Variants in GPHN observed in about 807,000 individuals in gnomAD.
GPHN encodes gephyrin.
Under a neutral mutation model 95.5 loss-of-function variants are expected in GPHN, and 17 were observed. The ratio of observed to expected loss-of-function variants is 0.18; its 90% confidence interval spans 0.12 to 0.27. The LOEUF is 0.27. Among genes scored for constraint, GPHN ranks in the 10% least tolerant of loss-of-function variants. GPHN has a pLI of 1.00. For synonymous variants in GPHN, 320 were observed against 322.5 expected (o/e 0.99, Z 0.08); for missense variants, 660 against 978.1 (o/e 0.67, Z 4.34).
At chr14:67,308,514 G>C in the GPHN span, among the ~76,000 whole-genome samples, 1 of 150,060 alleles carries the variant, frequency 6.7e-6, no homozygotes, top group Non-Finnish European at 1.5e-5. Flanking sequence ...CTGAGTTTTA[G>C]ATCAGCACTC....
chr14:66,545,553 C>T lies in GPHN; in HGVS notation c.64+36962C>T, dbSNP rs1237814600. On this transcript the variant is annotated intron_variant, in intron 1 of 22. Transcript: ENST00000478722. ...CTCCCGGACGGGGCGGCTGGCCGGGCGGGGGGCTGACCCCCCCACCTCCCT... is the reference window on the plus strand; with the variant it reads ...CTCCCGGACGGGGCGGCTGGCCGGGTGGGGGGCTGACCCCCCCACCTCCCT... Among the ~76,000 whole-genome samples the T allele has an allele frequency of 3.9e-4, 41 of 105,430 alleles. 1 individual carries two copies. The East Asian group carries it at 0.015, about 38-fold the overall frequency. 69.2% of individuals were successfully genotyped at this position (105,430 alleles called of 152,430 possible). A position where few individuals can be genotyped will look rare whatever the true frequency, so the allele number is the denominator to read the frequency against.
chr14:67,570,083 G>A, the GPHN span: 1 of 1,076,958 alleles, frequency 9.3e-7, no homozygotes, highest in Non-Finnish European at 1.4e-6. Context: ...CCAATGACTG[G>A]GGCGGGGCTC....
the GPHN span, among the ~76,000 whole-genome samples, chr14:67,316,342 C>T: frequency 1.3e-5 from 2 of 152,020 alleles, no homozygotes; most frequent in Non-Finnish European, 2.9e-5. Flanking sequence ...CATATACATA[C>T]ACAAAAGAAG....
Position 66,827,750 on chromosome 14 carries a change from G to A in GPHN, c.294+3184G>A, listed in dbSNP as rs563571830. Among the ~76,000 whole-genome samples the A allele has an allele frequency of 2.0e-5, 3 of 151,974 alleles. No individual in the cohort carries two copies. The East Asian group carries it at 5.8e-4, about 29-fold the overall frequency. ...TCTTGTTAAATTATTTCTTAATTTT[G>A]GTAGGGTAAGCTTCATATTTGATCT... On this transcript the variant is annotated intron_variant, in intron 4 of 22. Coordinates refer to ENST00000478722, the MANE Select transcript of GPHN (RefSeq NM_020806.5).
At chr14:67,196,133 C>T in the GPHN span, among the ~76,000 whole-genome samples, 8 of 152,154 alleles carry the variant, frequency 5.3e-5, no homozygotes, top group Non-Finnish European at 1.2e-4. Flanking sequence ...TAAAGGGCTC[C>T]ACTCTAGTCT....
intron 4 of GPHN, among the ~76,000 whole-genome samples, chr14:66,830,974 T>C (rs2061558113): frequency 6.6e-6 from 1 of 152,112 alleles, no homozygotes; most frequent in Non-Finnish European, 1.5e-5. Context: ...TTATTTTATG[T>C]AGTCATTAGT....
At chr14:67,305,440 C>T in the GPHN span, among the ~76,000 whole-genome samples, 4 of 152,102 alleles carry the variant, frequency 2.6e-5, no homozygotes, top group Admixed American at 6.6e-5. Flanking sequence ...CTACCACATC[C>T]GGCTAATTTT....
the GPHN span, chr14:67,695,588 G>T: frequency 6.4e-7 from 1 of 1,569,306 alleles, no homozygotes; most frequent in Non-Finnish European, 8.7e-7. Context: ...CTCCCGCCCC[G>T]CAACAAGAAT....
At chr14:67,414,702 C>T in the GPHN span, among the ~76,000 whole-genome samples, 30 of 152,214 alleles carry the variant, frequency 2.0e-4, no homozygotes, top group African/African-American at 7.2e-4. Flanking sequence ...AGATTCATTC[C>T]TTTAGCTTCA....
At chr14:67,352,421 T>C in the GPHN span, among the ~76,000 whole-genome samples, 10 of 147,222 alleles carry the variant, frequency 6.8e-5, no homozygotes, top group South Asian at 6.5e-4. Flanking sequence ...AGTAAGACCT[T>C]GCCTCAAAAA....
At chr14:66,516,752 T>C (rs1455027816) in intron 1 of GPHN, among the ~76,000 whole-genome samples, 1 of 152,186 alleles carries the variant, frequency 6.6e-6, no homozygotes, top group Non-Finnish European at 1.5e-5. Context: ...TTATTTCTTG[T>C]TCTTTTAAAA....
At chr14:66,853,335 A>T (rs1399760042) in intron 4 of GPHN, among the ~76,000 whole-genome samples, 3 of 152,032 alleles carry the variant, frequency 2.0e-5, no homozygotes, top group Admixed American at 6.6e-5. Flanking sequence ...TTTATTACTT[A>T]AAAAAAATAA....
the GPHN span, chr14:67,385,850 T>C: frequency 6.6e-6 from 1 of 152,130 alleles, no homozygotes; most frequent in Admixed American, 6.6e-5. Flanking sequence ...GTTGGACCCA[T>C]AGAGACATGC....
At chr14:67,269,510 TA>T in the GPHN span, among the ~76,000 whole-genome samples, 2 of 152,140 alleles carry the variant, frequency 1.3e-5, no homozygotes, top group African/African-American at 4.8e-5. Context: ...TACAACAACA[TA>T]AATTTTTAAA....
At chr14:67,724,414 T>C in the GPHN span, 1 of 1,012,326 alleles carries the variant, frequency 9.9e-7, no homozygotes, top group African/African-American at 1.6e-5. Flanking sequence ...TTTTTTAACG[T>C]ATCTTAGTGT....
the GPHN span, among the ~76,000 whole-genome samples, chr14:67,428,513 T>C: frequency 2.6e-5 from 4 of 152,224 alleles, no homozygotes; most frequent in African/African-American, 9.6e-5. Context: ...AAGGAGGAAT[T>C]TGAGGCCCAG....
At chr14:66,742,823 G>A (rs746440870) in intron 2 of GPHN, among the ~76,000 whole-genome samples, 3 of 152,042 alleles carry the variant, frequency 2.0e-5, no homozygotes, top group African/African-American at 4.8e-5. Context: ...GTGCAGTGGC[G>A]CGATCTCTGC....
the GPHN span, among the ~76,000 whole-genome samples, chr14:67,732,429 CA>C: frequency 0.85 from 107,786 of 126,518 alleles, 45,317 homozygotes; most frequent in East Asian, 0.99. Context: ...GACCCTATCT[CA>C]AAAAAAAAAA....
chr14:67,595,486 A>G, the GPHN span, among the ~76,000 whole-genome samples: 10 of 152,246 alleles, frequency 6.6e-5, no homozygotes, highest in Non-Finnish European at 1.3e-4. Context: ...CTTGCCTAAT[A>G]AACAGCCACC....
Sources: allele counts gnomAD v4.1 joint callset (sites outside exome capture counted in the v4.1 genomes callset), GRCh38; gene constraint gnomAD v4.1.1; transcripts MANE v1.5; gene names NCBI Gene and HGNC (gene_info 2026-07-23, HGNC 2026-07-21).